Variants in EGFLAM observed in about 807,000 individuals in gnomAD.
EGFLAM encodes the protein pikachurin.
A neutral mutation model predicts 113.1 loss-of-function variants in EGFLAM; 79 were observed. That is an observed-to-expected ratio of 0.70 (90% CI 0.58 to 0.84). EGFLAM has a LOEUF of 0.84. Among genes scored for constraint, EGFLAM ranks in the 40% least tolerant of loss-of-function variants. The pLI, the probability that EGFLAM is intolerant of heterozygous loss-of-function variation, is 0.00. For synonymous variants in EGFLAM, 504 were observed against 487.6 expected, an observed-to-expected ratio of 1.03 and a Z score of -0.44; for missense variants, 1,265 against 1,291.6, an observed-to-expected ratio of 0.98 and a Z score of 0.32.
intron 6 of EGFLAM, among the ~76,000 whole-genome samples, chr5:38,380,642 T>C (rs188174931): frequency 6.6e-6 from 1 of 152,370 alleles, no homozygotes; most frequent in Non-Finnish European, 1.5e-5. Context: ...CATTTGAGCG[T>C]GAATATAACT....
intron 1 of EGFLAM, among the ~76,000 whole-genome samples, chr5:38,295,092 G>T (rs142292097): frequency 2.0e-5 from 3 of 152,186 alleles, no homozygotes; most frequent in Admixed American, 6.5e-5. Flanking sequence ...CTCCCAACGT[G>T]CTGGGAATAC....
chr5:38,293,290 G>A (rs1451435586), intron 1 of EGFLAM, among the ~76,000 whole-genome samples: 1 of 152,084 alleles, frequency 6.6e-6, no homozygotes, highest in African/African-American at 2.4e-5. Context: ...TCATCAAGAT[G>A]GAATCTTCAA....
At chr5:38,312,390 T>C (rs778420441) in intron 1 of EGFLAM, among the ~76,000 whole-genome samples, 78 of 152,094 alleles carry the variant, frequency 5.1e-4, no homozygotes, top group Admixed American at 9.8e-4. Context: ...TACAGGCGCC[T>C]GCCACCTCGC....
In EGFLAM at chr5:38,463,936, G is replaced by T. The variant is rs372253494; in HGVS notation, c.2980G>T (p.Val994Leu). 1 of 1,614,202 alleles carries T rather than the reference G, an allele frequency of 6.2e-7. No individual in the cohort carries two copies. The highest frequency in any genetic ancestry group is 8.5e-7 in the Non-Finnish European group (1 of 1,180,042). The change falls in exon 22 of 22, where the codon GTG (valine) becomes TTG (leucine). Residue 994 changes from valine to leucine, a missense_variant. Val to Leu is a conservative substitution (Grantham distance 32). Coordinates refer to ENST00000322350, the MANE Select transcript of EGFLAM (RefSeq NM_152403.4). The stretch of plus-strand genomic sequence containing the variant: ...GTCCACCGATTACCACATTTCCCTC[G>T]TGGAAGATGCCGTGGATGGGAAAAA... ...TLSTDYHISL[V>L]EDAVDGKNIN...
At position 38,379,389 on chromosome 5, in the gene EGFLAM, G is replaced by A. The variant is rs79853751; in HGVS notation, c.712+8927G>A. ...GGGGAGGAAGGACGCAGAGAACACA[G>A]GAGAGAGTAAATGATGCATGGAACC... is the stretch of plus-strand genomic sequence containing the variant. On this transcript the variant is annotated intron_variant, in intron 6 of 21. Coordinates refer to ENST00000322350, the MANE Select transcript of EGFLAM (RefSeq NM_152403.4). Among the ~76,000 whole-genome samples, 744 of 151,976 alleles carry A rather than the reference G, an allele frequency of 4.9e-3. 25 individuals are homozygous for A. The East Asian group carries it at 0.088, about 18-fold the overall frequency.
At position 38,258,599 on chromosome 5, in the gene EGFLAM, G is replaced by C. The variant is rs907995971; in HGVS notation, c.-156G>C. On this transcript the variant is annotated 5_prime_UTR_variant, in exon 1 of 22. Coordinates refer to ENST00000322350, the MANE Select transcript of EGFLAM (RefSeq NM_152403.4). ...CCTCCCGGCTGCAGTCCTACCTCTT[G>C]GAACTACCCGTGTTTCCGGGCCCAG... 6.2e-6 allele frequency: 5 copies of C among 807,144 alleles called. No homozygotes were observed. In the East Asian group the frequency reaches 1.4e-4, roughly 22 times the overall value. 50.0% of individuals were successfully genotyped at this position (807,144 alleles called of 1,614,324 possible).
intron 6 of EGFLAM, among the ~76,000 whole-genome samples, chr5:38,379,651 C>A (rs1403132329): frequency 1.7e-5 from 2 of 119,304 alleles, no homozygotes; most frequent in Admixed American, 1.6e-4. Flanking sequence ...AGCAATCAGC[C>A]ACAGCAAAGC....
chr5:38,362,631 C>T (rs1032441032), intron 5 of EGFLAM, among the ~76,000 whole-genome samples: 8 of 152,150 alleles, frequency 5.3e-5, no homozygotes, highest in Admixed American at 3.9e-4. Context: ...TGGATGTCAG[C>T]TGGGATTTCA....
rs149843559 is a variant in EGFLAM at position 38,370,429 on chromosome 5, C to A, written c.679C>A (p.Arg227Ser). 5.6e-6 allele frequency: 9 copies of A among 1,614,024 alleles called. No homozygotes were observed. In the African/African-American group the frequency reaches 1.1e-4, roughly 19 times the overall value. The stretch of plus-strand genomic sequence containing the variant: ...AATGAATTCCCATGGCCCCAGCCCC[C>A]GCAGCTGGCCCAGTGACATCATCCG... ...RAMNSHGPSPRSWPSDIIRTL... is the reference protein window; with the variant it reads ...RAMNSHGPSPSSWPSDIIRTL... Residue 227 changes from arginine (R) to serine (S), a missense_variant, in exon 6 of 22, where the codon CGC becomes AGC. Coordinates refer to ENST00000322350, the MANE Select transcript of EGFLAM (RefSeq NM_152403.4).
intron 9 of EGFLAM, 77 bp from the exon 10 acceptor site, chr5:38,408,927 T>C: frequency 8.1e-7 from 1 of 1,233,518 alleles, no homozygotes; most frequent in Non-Finnish European, 1.2e-6. Context: ...AAGTTTCACA[T>C]TTGTGTCTTT....
chr5:38,347,804 T>A (rs976337946), intron 3 of EGFLAM, among the ~76,000 whole-genome samples: 2 of 151,994 alleles, frequency 1.3e-5, no homozygotes, highest in African/African-American at 2.4e-5. Flanking sequence ...GAAAGATAAG[T>A]AGTATAGCAC....
intron 1 of EGFLAM, among the ~76,000 whole-genome samples, chr5:38,280,570 C>A (rs1286484306): frequency 9.2e-5 from 14 of 152,176 alleles, no homozygotes; most frequent in Non-Finnish European, 1.6e-4. Flanking sequence ...CTACATACAG[C>A]CCCTGGCCCA....
chr5:38,407,011 A>G lies in EGFLAM; in HGVS notation c.1012A>G (p.Ile338Val), dbSNP rs760609878. 5.6e-6 allele frequency: 9 copies of G among 1,614,086 alleles called. No homozygotes were observed. Among genetic ancestry groups the G allele is most frequent in the Non-Finnish European group, 5.1e-6 (6 of 1,180,048 alleles). ...GAGAAAGGGGAAGAATGGTGTGGCC[A>G]TAATGTCAAGGCTCTTTGACATGCC... ...IQRKGKNGVAIMSRLFDMPCD... is the reference protein window; with the variant it reads ...IQRKGKNGVAVMSRLFDMPCD... The change falls in exon 8 of 22, where the codon ATA becomes GTA. Residue 338 changes from isoleucine (I) to valine (V), a missense_variant. By Grantham distance (29) the Ile-to-Val change is conservative. Coordinates refer to ENST00000322350, the MANE Select transcript of EGFLAM (RefSeq NM_152403.4).
intron 11 of EGFLAM, 121 bp from the exon 12 acceptor site, chr5:38,417,945 A>T: frequency 1.0e-6 from 1 of 1,003,464 alleles, no homozygotes; most frequent in Non-Finnish European, 1.4e-6. Context: ...ATAAATACAG[A>T]TGGAAGAAAA....
At chr5:38,409,558 T>C (rs1741406941) in intron 10 of EGFLAM, among the ~76,000 whole-genome samples, 1 of 152,164 alleles carries the variant, frequency 6.6e-6, no homozygotes, top group Non-Finnish European at 1.5e-5. Context: ...TGCTGCTGAA[T>C]GTTTCTTGAG....
At position 38,374,984 on chromosome 5, in the gene EGFLAM, G is replaced by A. The variant is rs114091827; in HGVS notation, c.712+4522G>A. ...TGAGTTGACTTCCTTGTAGATTCTG[G>A]ATATTAGTTCTTTTTCAGAGGCGTG... On this transcript the variant is annotated intron_variant, in intron 6 of 21. Transcript: ENST00000322350. Among the ~76,000 whole-genome samples, 740 of 150,766 alleles carry A rather than the reference G, an allele frequency of 4.9e-3. 4 individuals carry two copies. The highest frequency in any genetic ancestry group is 8.2e-3 in the Non-Finnish European group (556 of 67,838).
intron 6 of EGFLAM, among the ~76,000 whole-genome samples, chr5:38,382,424 A>G (rs1740535150): frequency 6.6e-6 from 1 of 152,198 alleles, no homozygotes; most frequent in African/African-American, 2.4e-5. Context: ...TGGTGTAAAC[A>G]AAGCTGGGCC....
chr5:38,321,495 T>G (rs1231189991), intron 1 of EGFLAM, among the ~76,000 whole-genome samples: 1 of 152,200 alleles, frequency 6.6e-6, no homozygotes, highest in Non-Finnish European at 1.5e-5. Flanking sequence ...CAGGTCACAC[T>G]GTGCAGGCTC....
intron 1 of EGFLAM, among the ~76,000 whole-genome samples, chr5:38,282,015 T>C (rs532446597): frequency 6.6e-6 from 1 of 152,324 alleles, no homozygotes; most frequent in African/African-American, 2.4e-5. Flanking sequence ...TTAGTGAGTT[T>C]TACCTAAAGG....
Sources: gnomAD v4.1 joint callset for allele counts (sites outside exome capture counted in the v4.1 genomes callset) on GRCh38, gnomAD v4.1.1 for gene constraint, MANE v1.5 for transcripts, NCBI Gene and HGNC (gene_info 2026-07-23, HGNC 2026-07-21) for gene names.